Variants in TAFA2 observed in about 807,000 individuals in gnomAD.
The protein encoded by TAFA2 is TAFA chemokine like family member 2, also known as chemokine-like protein TAFA-2.
In TAFA2, 7 loss-of-function variants were observed where a neutral mutation model predicts 18.8. That is an observed-to-expected ratio of 0.37 (90% CI 0.21 to 0.70). The LOEUF (loss-of-function observed/expected upper bound fraction) is 0.70. Among genes scored for constraint, TAFA2 ranks in the 30% least tolerant of loss-of-function variants. The probability of loss-of-function intolerance (pLI) is 0.53; values close to 1 mark genes in which losing one functional copy is unlikely to be tolerated. For synonymous variants in TAFA2, 60 were observed against 54.2 expected (o/e 1.11, Z -0.47); for missense variants, 122 against 158.1 (o/e 0.77, Z 1.23).
intron 1 of TAFA2, among the ~76,000 whole-genome samples, chr12:62,188,303 A>G (rs2062599352): frequency 6.6e-6 from 1 of 152,226 alleles, no homozygotes; most frequent in Non-Finnish European, 1.5e-5. Context: ...TCAATGAACA[A>G]AACAGCTGCA....
chr12:62,080,456 TA>T (rs1868302009), intron 1 of TAFA2, among the ~76,000 whole-genome samples: 1 of 151,976 alleles, frequency 6.6e-6, no homozygotes, highest in Non-Finnish European at 1.5e-5. Flanking sequence ...TTCCTACTGA[TA>T]ATAGTTTCTT....
intron 1 of TAFA2, among the ~76,000 whole-genome samples, chr12:62,007,585 C>A (rs1435910981): frequency 6.6e-6 from 1 of 152,132 alleles, no homozygotes; most frequent in Non-Finnish European, 1.5e-5. Context: ...GATCTAATGA[C>A]TTCCAGGGCC....
At chr12:62,241,123 C>G (rs2062861181) in intron 1 of TAFA2, among the ~76,000 whole-genome samples, 1 of 152,082 alleles carries the variant, frequency 6.6e-6, no homozygotes, top group Non-Finnish European at 1.5e-5. Flanking sequence ...GGTTTTGGTA[C>G]CAACCAGCAC....
At chr12:62,116,843 C>T (rs1869984121) in intron 1 of TAFA2, among the ~76,000 whole-genome samples, 1 of 152,126 alleles carries the variant, frequency 6.6e-6, no homozygotes, top group African/African-American at 2.4e-5. Flanking sequence ...AAAATGTAAC[C>T]TTATTTGGAG....
At chr12:62,124,259 C>T (rs1333742101) in intron 1 of TAFA2, among the ~76,000 whole-genome samples, 1 of 150,398 alleles carries the variant, frequency 6.6e-6, no homozygotes, top group Non-Finnish European at 1.5e-5. Context: ...TGAGTATGAC[C>T]AAAGGTCATA....
At chr12:62,174,161 G>A (rs1310515152) in intron 1 of TAFA2, among the ~76,000 whole-genome samples, 7 of 152,012 alleles carry the variant, frequency 4.6e-5, no homozygotes, top group Admixed American at 6.6e-5. Flanking sequence ...GTGTGGTGGC[G>A]CACGCCTGTA....
At chr12:61,846,343 T>C (rs373037143) in intron 2 of TAFA2, among the ~76,000 whole-genome samples, 116 of 152,264 alleles carry the variant, frequency 7.6e-4, no homozygotes, top group Non-Finnish European at 1.3e-3. Context: ...GCTCTTTCTT[T>C]TCTGAGCAAA....
chr12:62,248,802 T>G (rs1261094535), intron 1 of TAFA2, among the ~76,000 whole-genome samples: 1 of 152,190 alleles, frequency 6.6e-6, no homozygotes, highest in South Asian at 2.1e-4. Flanking sequence ...CATTTTTAAG[T>G]GTGTGATTTA....
chr12:62,073,697 T>C (rs1166796873), intron 1 of TAFA2, among the ~76,000 whole-genome samples: 2 of 152,208 alleles, frequency 1.3e-5, no homozygotes, highest in African/African-American at 4.8e-5. Context: ...AAATTCATGT[T>C]AGTATCCCCT....
At chr12:61,726,564 T>C (rs1438195602) in intron 4 of TAFA2, among the ~76,000 whole-genome samples, 1 of 152,108 alleles carries the variant, frequency 6.6e-6, no homozygotes, top group South Asian at 2.1e-4. Context: ...GCAGTGCTAC[T>C]GATTTGTGTA....
chr12:62,041,432 A>G (rs531169489), intron 1 of TAFA2, among the ~76,000 whole-genome samples: 1 of 152,330 alleles, frequency 6.6e-6, no homozygotes, highest in South Asian at 2.1e-4. Flanking sequence ...GGATTTCGGA[A>G]ACTAAAGCTT....
At chr12:62,062,843 G>A (rs1882387282) in intron 1 of TAFA2, among the ~76,000 whole-genome samples, 1 of 152,072 alleles carries the variant, frequency 6.6e-6, no homozygotes, top group South Asian at 2.1e-4. Flanking sequence ...TAAGGTAAAG[G>A]CCTTTCCCAG....
intron 4 of TAFA2, among the ~76,000 whole-genome samples, chr12:61,712,653 C>A (rs551718230): frequency 6.6e-6 from 1 of 152,184 alleles, no homozygotes; most frequent in Admixed American, 6.6e-5. Context: ...TCTAAACACA[C>A]ATGGATTACA....
chr12:61,941,328 T>C (rs908527947), intron 1 of TAFA2, among the ~76,000 whole-genome samples: 1 of 152,228 alleles, frequency 6.6e-6, no homozygotes, highest in Non-Finnish European at 1.5e-5. Context: ...CTAATGTGGC[T>C]ACTAGAAAAT....
At chr12:61,716,659 G>A (rs1427669962) in intron 4 of TAFA2, among the ~76,000 whole-genome samples, 2 of 152,096 alleles carry the variant, frequency 1.3e-5, no homozygotes, top group Non-Finnish European at 2.9e-5. Flanking sequence ...TATAATAGAA[G>A]TGAAAATGCA....
chr12:62,226,819 T>G (rs1436313190), intron 1 of TAFA2, among the ~76,000 whole-genome samples: 1 of 152,228 alleles, frequency 6.6e-6, no homozygotes, highest in Non-Finnish European at 1.5e-5. Context: ...CAGTTTTCCC[T>G]TGTAAACATT....
chr12:61,994,486 C>T (rs1041059506), intron 1 of TAFA2, among the ~76,000 whole-genome samples: 2 of 152,154 alleles, frequency 1.3e-5, no homozygotes, highest in African/African-American at 4.8e-5. Flanking sequence ...CCAAAATATC[C>T]CACCTTAAGG....
chr12:61,959,658 T>C (rs1341001795), intron 1 of TAFA2, among the ~76,000 whole-genome samples: 2 of 152,106 alleles, frequency 1.3e-5, no homozygotes, highest in African/African-American at 4.8e-5. Context: ...CATATTAACA[T>C]TAACCATTAT....
intron 1 of TAFA2, among the ~76,000 whole-genome samples, chr12:61,997,191 GTATATA>G (rs763945776): frequency 6.6e-6 from 1 of 150,696 alleles, no homozygotes; most frequent in Non-Finnish European, 1.5e-5. Context: ...GTGTGTGTGT[GTATATA>G]TATATATATA....
Sources: gnomAD v4.1 joint callset for allele counts (sites outside exome capture counted in the v4.1 genomes callset) on GRCh38, gnomAD v4.1.1 for gene constraint, MANE v1.5 for transcripts, NCBI Gene and HGNC (gene_info 2026-07-23, HGNC 2026-07-21) for gene names.